Variants in MICU2 observed in about 807,000 individuals in gnomAD.
MICU2 encodes mitochondrial calcium uptake 2.
In MICU2, 64 loss-of-function variants were observed where a neutral mutation model predicts 60.4. That is an observed-to-expected ratio of 1.06 (90% CI 0.87 to 1.31). MICU2 has a LOEUF of 1.31. Ranked by LOEUF, MICU2 falls within the 50% of genes most tolerant of loss-of-function variation. The pLI, the probability that MICU2 is intolerant of heterozygous loss-of-function variation, is 0.00. For synonymous variants in MICU2, 201 were observed against 175.0 expected (o/e 1.15, Z -1.17); for missense variants, 569 against 531.0 (o/e 1.07, Z -0.70).
At chr13:21,529,483 T>C (rs1010448772) in intron 4 of MICU2, among the ~76,000 whole-genome samples, 1 of 152,128 alleles carries the variant, frequency 6.6e-6, no homozygotes, top group Non-Finnish European at 1.5e-5. Flanking sequence ...AGTCATCTCA[T>C]GAATGCTAAA....
intron 9 of MICU2, 50 bp downstream of exon 9, chr13:21,502,876 T>A (rs1348079161): frequency 1.3e-6 from 2 of 1,522,742 alleles, no homozygotes; most frequent in East Asian, 4.5e-5. Flanking sequence ...TAAACATGTC[T>A]AACTTATTAT....
intron 8 of MICU2, among the ~76,000 whole-genome samples, chr13:21,505,982 A>G (rs912983437): frequency 1.3e-5 from 2 of 151,848 alleles, no homozygotes; most frequent in African/African-American, 4.8e-5. Flanking sequence ...ACTGAGGATG[A>G]TATGTAACTA....
intron 1 of MICU2, among the ~76,000 whole-genome samples, chr13:21,596,067 C>G (rs185386499): frequency 1.3e-5 from 2 of 152,184 alleles, no homozygotes; most frequent in Non-Finnish European, 2.9e-5. Flanking sequence ...CAAAATCCTT[C>G]CAGGAGTGTT....
In MICU2 at chr13:21,539,492, A is replaced by G. The variant is rs533750734; in HGVS notation, c.391-115T>C. ...TTCTTTTTGTATTTTTAGTAGACACAGGGCTTCACTGTGTTAGCCAGGATG... is the reference window on the plus strand; with the variant it reads ...TTCTTTTTGTATTTTTAGTAGACACGGGGCTTCACTGTGTTAGCCAGGATG... On this transcript the variant is annotated intron_variant, in intron 3 of 11. Transcript: ENST00000382374. 1.0e-4 allele frequency: 132 copies of G among 1,308,398 alleles called. 1 individual carries two copies. Among genetic ancestry groups the G allele is most frequent in the Admixed American group, 9.1e-4 (44 of 48,304 alleles). The allele number at this position is 1,308,398 out of a possible 1,614,324, so 81.0% of individuals were successfully genotyped here.
chr13:21,550,782 TACA>T (rs66508249), intron 2 of MICU2, among the ~76,000 whole-genome samples: 47,301 of 151,828 alleles, frequency 0.31, 8,439 homozygotes, highest in South Asian at 0.4. Context: ...ATTGAATCTT[TACA>T]ACAACGCTTT....
intron 1 of MICU2, among the ~76,000 whole-genome samples, chr13:21,603,210 G>A (rs1304741114): frequency 6.6e-6 from 1 of 152,168 alleles, no homozygotes; most frequent in African/African-American, 2.4e-5. Flanking sequence ...GACCTCAGGA[G>A]ATCCACCCGC....
chr13:21,498,587 C>T (rs1886063736), intron 9 of MICU2, among the ~76,000 whole-genome samples: 1 of 152,020 alleles, frequency 6.6e-6, no homozygotes, highest in African/African-American at 2.4e-5. Flanking sequence ...CCATATTGGT[C>T]AGGCTGGTCT....
chr13:21,567,709 C>T (rs919277105), intron 1 of MICU2, among the ~76,000 whole-genome samples: 4 of 152,112 alleles, frequency 2.6e-5, no homozygotes, highest in African/African-American at 9.7e-5. Context: ...GAAATCTTTA[C>T]AAAGAACTTT....
chr13:21,532,112 G>T (rs953501849), intron 4 of MICU2, among the ~76,000 whole-genome samples: 1 of 152,152 alleles, frequency 6.6e-6, no homozygotes, highest in African/African-American at 2.4e-5. Flanking sequence ...CGTAGAGGGC[G>T]AATGAAGAGA....
At chr13:21,582,004 T>C (rs895641151) in intron 1 of MICU2, among the ~76,000 whole-genome samples, 1 of 152,256 alleles carries the variant, frequency 6.6e-6, no homozygotes, top group Non-Finnish European at 1.5e-5. Flanking sequence ...TACCTTTTCC[T>C]GGATGTGGCA....
rs1278234566 is a variant in MICU2 at position 21,500,374 on chromosome 13, G to GA, written c.933+2551dup. Among the ~76,000 whole-genome samples, 23 of 146,828 alleles carry GA rather than the reference G, an allele frequency of 1.6e-4. No homozygotes were observed. The East Asian group carries it at 2.3e-3, about 15-fold the overall frequency. On this transcript the variant is annotated intron_variant, in intron 9 of 11. Coordinates refer to ENST00000382374, the MANE Select transcript of MICU2 (RefSeq NM_152726.3). Reference sequence around the variant, plus strand: ...AAGTTCTCATGATATATTAAATAGGGAAAAAAAAATCTCAGACCGTTTAAA... The same window carrying GA: ...AAGTTCTCATGATATATTAAATAGGGAAAAAAAAAATCTCAGACCGTTTAAA...
chr13:21,560,611 A>G (rs1454179161), intron 2 of MICU2, among the ~76,000 whole-genome samples: 1 of 141,310 alleles, frequency 7.1e-6, no homozygotes, highest in Non-Finnish European at 1.6e-5. Flanking sequence ...TTTTCAAATC[A>G]GCTTGTCAAA....
chr13:21,550,757 C>CTCTT (rs1887539676), intron 2 of MICU2, among the ~76,000 whole-genome samples: 2 of 150,526 alleles, frequency 1.3e-5, no homozygotes, highest in Admixed American at 1.3e-4. Flanking sequence ...AGGTACTCTG[C>CTCTT]TCTTTACTTG....
At chr13:21,570,971 A>T (rs1157496986) in intron 1 of MICU2, among the ~76,000 whole-genome samples, 1 of 152,178 alleles carries the variant, frequency 6.6e-6, no homozygotes, top group Non-Finnish European at 1.5e-5. Flanking sequence ...GAAAATGTAA[A>T]CTATTTCTTA....
At chr13:21,586,204 C>A (rs1389031982) in intron 1 of MICU2, among the ~76,000 whole-genome samples, 1 of 152,134 alleles carries the variant, frequency 6.6e-6, no homozygotes, top group African/African-American at 2.4e-5. Context: ...AGACTAAGAT[C>A]CCTCTGATGA....
Position 21,496,034 on chromosome 13 carries a change from G to T in MICU2, c.1042+18C>A, listed in dbSNP as rs746022753. 9 of 1,559,636 alleles carry T rather than the reference G, an allele frequency of 5.8e-6. No individual in the cohort carries two copies. The East Asian group carries it at 1.8e-4, about 31-fold the overall frequency. Reference sequence around the variant, plus strand: ...GTTTATAGATGATAAAAATTAAATGGTTTTTCATATAACTTACCTAGTCTG... The same window carrying T: ...GTTTATAGATGATAAAAATTAAATGTTTTTTCATATAACTTACCTAGTCTG... On this transcript the variant is annotated intron_variant, in intron 10 of 11. Coordinates refer to ENST00000382374, the MANE Select transcript of MICU2 (RefSeq NM_152726.3).
At position 21,582,181 on chromosome 13, in the gene MICU2, G is replaced by A. The variant is rs538933179; in HGVS notation, c.211-15237C>T. Among the ~76,000 whole-genome samples, 3 of 152,264 alleles carry A rather than the reference G, an allele frequency of 2.0e-5. No homozygotes were observed. The South Asian group carries it at 6.2e-4, about 32-fold the overall frequency. On this transcript the variant is annotated intron_variant, in intron 1 of 11. Transcript: ENST00000382374. ...GGGGCAAGGGCTAGTCTCCAAAAGG[G>A]CCTGGACAGCTTACTTTCCCTCTAA...
At chr13:21,598,090 T>C (rs1888734992) in intron 1 of MICU2, among the ~76,000 whole-genome samples, 1 of 152,108 alleles carries the variant, frequency 6.6e-6, no homozygotes. Context: ...GGAATTTGTA[T>C]TTATTTAGAT....
Position 21,514,741 on chromosome 13 carries a change from C to T in MICU2, c.598-323G>A, listed in dbSNP as rs542369173. On this transcript the variant is annotated intron_variant, in intron 6 of 11. Coordinates refer to ENST00000382374, the MANE Select transcript of MICU2 (RefSeq NM_152726.3). ...ATTTTTAGTAGAGACGGGGTTTCACCGTGTTAGCCAGGATGGTCTCGATCT... is the reference window on the plus strand; with the variant it reads ...ATTTTTAGTAGAGACGGGGTTTCACTGTGTTAGCCAGGATGGTCTCGATCT... Among the ~76,000 whole-genome samples, 234 of 151,314 alleles carry T rather than the reference C, an allele frequency of 1.5e-3. 6 individuals carry two copies. The highest frequency in any genetic ancestry group is 3.7e-3 in the East Asian group (19 of 5,112).
Sources: gnomAD v4.1 joint callset for allele counts (sites outside exome capture counted in the v4.1 genomes callset) on GRCh38, gnomAD v4.1.1 for gene constraint, MANE v1.5 for transcripts, NCBI Gene and HGNC (gene_info 2026-07-23, HGNC 2026-07-21) for gene names.